DLG2: variants seen among roughly 807,000 people sequenced by gnomAD.
The protein encoded by DLG2 is discs large MAGUK scaffold protein 2, also known as disks large homolog 2.
Under a neutral mutation model 132.5 loss-of-function variants are expected in DLG2, and 45 were observed. That is an observed-to-expected ratio of 0.34 (90% confidence interval 0.27 to 0.44). The LOEUF (loss-of-function observed/expected upper bound fraction) is 0.44. Ranked by LOEUF, DLG2 falls within the 20% of genes least tolerant of loss-of-function variation. The pLI, the probability that DLG2 is intolerant of heterozygous loss-of-function variation, is 1.00. For missense variants in DLG2, 1,045 were observed against 1,196.9 expected (o/e 0.87, Z 1.87); for synonymous variants, 424 against 419.6 (o/e 1.01, Z -0.13).
chr11:84,074,808 T>G (rs920982912), intron 10 of DLG2, among the ~76,000 whole-genome samples: 2 of 152,002 alleles, frequency 1.3e-5, no homozygotes, highest in East Asian at 1.9e-4. Flanking sequence ...GATTACAGGC[T>G]TGAGCCACCG....
chr11:83,483,841 A>ATGAT lies in DLG2; in HGVS notation c.2293+284_2293+287dup, dbSNP rs1289682223. Among the ~76,000 whole-genome samples, 4 of 152,314 alleles carry ATGAT rather than the reference A, an allele frequency of 2.6e-5. No individual in the cohort carries two copies. The East Asian group carries it at 5.8e-4, about 22-fold the overall frequency. ...TTTGTCTCAAGACTTAGAGGGTTGC[A>ATGAT]TGATAGAAAAGGCAAACCGGACCCA... On this transcript the variant is annotated intron_variant, in intron 22 of 27. Transcript: ENST00000376104.
At chr11:84,639,444 A>C (rs2099650096) in intron 6 of DLG2, among the ~76,000 whole-genome samples, 1 of 152,050 alleles carries the variant, frequency 6.6e-6, no homozygotes, top group Non-Finnish European at 1.5e-5. Context: ...AAGCATAAAC[A>C]AATAATAGCT....
chr11:85,398,494 G>C (rs1446615817), intron 3 of DLG2, among the ~76,000 whole-genome samples: 1 of 151,968 alleles, frequency 6.6e-6, no homozygotes, highest in East Asian at 1.9e-4. Flanking sequence ...CCAGGAGCTG[G>C]ATTTTTGAAA....
chr11:85,484,883 C>T (rs1322329902), intron 3 of DLG2, among the ~76,000 whole-genome samples: 3 of 151,398 alleles, frequency 2.0e-5, no homozygotes, highest in Non-Finnish European at 4.4e-5. Flanking sequence ...AATCATGCTG[C>T]TATAAAGACA....
At chr11:84,750,532 T>C (rs2065973611) in intron 6 of DLG2, among the ~76,000 whole-genome samples, 1 of 152,032 alleles carries the variant, frequency 6.6e-6, no homozygotes, top group Non-Finnish European at 1.5e-5. Flanking sequence ...AAAAAATAAA[T>C]ATCATATATA....
At chr11:84,603,807 G>C (rs2099580874) in intron 6 of DLG2, among the ~76,000 whole-genome samples, 1 of 151,914 alleles carries the variant, frequency 6.6e-6, no homozygotes, top group African/African-American at 2.4e-5. Context: ...ACTGTGCTAG[G>C]TATTGTGGGT....
intron 7 of DLG2, among the ~76,000 whole-genome samples, chr11:84,392,095 C>T (rs989711963): frequency 4.6e-5 from 7 of 152,112 alleles, no homozygotes; most frequent in Non-Finnish European, 1.0e-4. Flanking sequence ...CAGATTTGTA[C>T]ACTAGTAAGT....
At chr11:84,388,124 C>A (rs568424715) in intron 7 of DLG2, among the ~76,000 whole-genome samples, 1 of 152,272 alleles carries the variant, frequency 6.6e-6, no homozygotes, top group Non-Finnish European at 1.5e-5. Context: ...TAACAAACAG[C>A]CTCACTGACA....
intron 11 of DLG2, among the ~76,000 whole-genome samples, chr11:84,028,935 C>T (rs2154087173): frequency 6.6e-6 from 1 of 152,088 alleles, no homozygotes; most frequent in Non-Finnish European, 1.5e-5. Context: ...TAAAAATTTT[C>T]TTTATAGCTC....
rs114826108 is a variant in DLG2, at chr11:85,254,676, C to A, written c.186+30544G>T. On this transcript the variant is annotated intron_variant, in intron 4 of 27. Transcript: ENST00000376104. ...GGTATAGTTTATAACTGAGGAAATT[C>A]ATTCCTCTAAAAATCAATTAGCATT... Among the ~76,000 whole-genome samples the A allele has an allele frequency of 2.5e-3, 377 of 152,256 alleles. 3 individuals carry two copies. The highest frequency in any genetic ancestry group is 8.7e-3 in the African/African-American group (360 of 41,546).
intron 18 of DLG2, among the ~76,000 whole-genome samples, chr11:83,754,759 T>C (rs1278761521): frequency 6.6e-6 from 1 of 151,390 alleles, no homozygotes; most frequent in Non-Finnish European, 1.5e-5. Flanking sequence ...CAATTTGCCA[T>C]GTGAAAAAGA....
intron 4 of DLG2, among the ~76,000 whole-genome samples, chr11:85,155,205 C>G (rs933529772): frequency 6.6e-6 from 1 of 152,176 alleles, no homozygotes; most frequent in Admixed American, 6.5e-5. Context: ...TACAATATGA[C>G]CCATTGAATA....
At chr11:85,034,084 T>TC (rs1380772729) in intron 6 of DLG2, among the ~76,000 whole-genome samples, 1 of 151,456 alleles carries the variant, frequency 6.6e-6, no homozygotes, top group African/African-American at 2.4e-5. Context: ...TTAGATTTTT[T>TC]TTTTTTTTTT....
At chr11:85,269,750 G>A (rs1257682061) in intron 4 of DLG2, among the ~76,000 whole-genome samples, 1 of 152,052 alleles carries the variant, frequency 6.6e-6, no homozygotes, top group Non-Finnish European at 1.5e-5. Flanking sequence ...ATGAAGGTCT[G>A]CTCTTGTTCT....
At chr11:84,855,678 T>C (rs2082693236) in intron 6 of DLG2, among the ~76,000 whole-genome samples, 1 of 152,198 alleles carries the variant, frequency 6.6e-6, no homozygotes, top group East Asian at 1.9e-4. Context: ...GGCTAGGAGT[T>C]ACACTTGGGT....
At chr11:85,490,651 A>C (rs1195805908) in intron 3 of DLG2, among the ~76,000 whole-genome samples, 1 of 152,136 alleles carries the variant, frequency 6.6e-6, no homozygotes, top group Admixed American at 6.5e-5. Context: ...AGATCATCAG[A>C]GATGATTATG....
At chr11:85,623,212 CA>C (rs543325761) in intron 2 of DLG2, among the ~76,000 whole-genome samples, 2 of 151,632 alleles carry the variant, frequency 1.3e-5, no homozygotes, top group South Asian at 2.1e-4. Context: ...AGAACCACTG[CA>C]AAAAAATAAT....
At chr11:84,573,879 A>C (rs952099228) in intron 6 of DLG2, among the ~76,000 whole-genome samples, 1 of 152,202 alleles carries the variant, frequency 6.6e-6, no homozygotes, top group Non-Finnish European at 1.5e-5. Context: ...GTCATGCACA[A>C]AACTTATGAA....
intron 18 of DLG2, among the ~76,000 whole-genome samples, chr11:83,745,336 T>C (rs2092825776): frequency 6.6e-6 from 1 of 152,196 alleles, no homozygotes; most frequent in South Asian, 2.1e-4. Context: ...ATTGCATTGA[T>C]TTAGCTTTCT....
Sources: allele counts gnomAD v4.1 joint callset (sites outside exome capture counted in the v4.1 genomes callset), GRCh38; gene constraint gnomAD v4.1.1; transcripts MANE v1.5; gene names NCBI Gene and HGNC (gene_info 2026-07-23, HGNC 2026-07-21).